The following PUS7L variants were observed in gnomAD, a reference collection of about 807,000 sequenced individuals.
The protein encoded by PUS7L is pseudouridine synthase 7 like.
Under a neutral mutation model 51.1 loss-of-function variants are expected in PUS7L, and 49 were observed. That is an observed-to-expected ratio of 0.96 (90% CI 0.76 to 1.22). The LOEUF (loss-of-function observed/expected upper bound fraction) is 1.22. Among genes scored for constraint, PUS7L ranks in the 50% most tolerant of loss-of-function variants. PUS7L has a pLI of 0.00. For synonymous variants in PUS7L, 277 were observed against 276.2 expected (o/e 1.00, Z -0.03); for missense variants, 828 against 820.6 (o/e 1.01, Z -0.11).
At chr12:43,744,236 G>A (rs1364324444) in intron 4 of PUS7L, among the ~76,000 whole-genome samples, 3 of 152,132 alleles carry the variant, frequency 2.0e-5, no homozygotes, top group Non-Finnish European at 4.4e-5. Context: ...CATATGATAT[G>A]GTTTGGCTGT....
chr12:43,742,391 G>T (rs1325239027), intron 5 of PUS7L, 66 bp downstream of exon 5: 2 of 1,087,616 alleles, frequency 1.8e-6, no homozygotes, highest in Admixed American at 2.1e-5. Flanking sequence ...AGAAAGCAAG[G>T]AGCTGGGTTA....
At chr12:43,748,325 T>G in intron 3 of PUS7L, 125 bp downstream of exon 3, 7 of 560,586 alleles carry the variant, frequency 1.2e-5, no homozygotes, top group Non-Finnish European at 1.8e-5. Flanking sequence ...ACATGATTTA[T>G]GAGACACTTT....
At chr12:43,735,316 CAAAAAAAT>C (rs1282467375) in intron 7 of PUS7L, among the ~76,000 whole-genome samples, 1 of 137,080 alleles carries the variant, frequency 7.3e-6, no homozygotes, top group Admixed American at 7.4e-5. Flanking sequence ...GACTCTGTCT[CAAAAAAAT>C]AAAAAAATAA....
intron 8 of PUS7L, among the ~76,000 whole-genome samples, chr12:43,731,214 C>T (rs1274637801): frequency 6.6e-6 from 1 of 152,094 alleles, no homozygotes; most frequent in East Asian, 1.9e-4. Context: ...TTGCTGGTGT[C>T]TTCTAGACAG....
intron 3 of PUS7L, among the ~76,000 whole-genome samples, chr12:43,746,469 T>TATCACTCTTCCA (rs1263602130): frequency 2.6e-5 from 4 of 152,232 alleles, no homozygotes; most frequent in Non-Finnish European, 4.4e-5. Context: ...TTACTAATGT[T>TATCACTCTTCCA]ATCACTCTTC....
intron 6 of PUS7L, 114 bp downstream of exon 6, chr12:43,738,196 A>C: frequency 1.4e-6 from 1 of 694,498 alleles, no homozygotes; most frequent in East Asian, 2.7e-5. Context: ...GTAATATACT[A>C]TAATTTATTT....
At chr12:43,730,991 G>T (rs1159370041) in intron 8 of PUS7L, among the ~76,000 whole-genome samples, 1 of 152,156 alleles carries the variant, frequency 6.6e-6, no homozygotes, top group Non-Finnish European at 1.5e-5. Context: ...TTAATTAGCT[G>T]ATAAAGACTT....
At position 43,731,743 on chromosome 12, in the gene PUS7L, C is replaced by T. The variant is rs758222433; in HGVS notation, c.1741G>A (p.Glu581Lys). ...TACATATTAGCTGATCCCTCCTCTT[C>T]AGTTACCAGGTGAATCTAGTTTTAA... is the stretch of plus-strand genomic sequence containing the variant. ...FPNSKIHLVTEEEGSANMYAI... is the reference protein window; with the variant it reads ...FPNSKIHLVTKEEGSANMYAI... The change falls in exon 8 of 9, where the codon GAA becomes AAA. Residue 581 changes from glutamate (E) to lysine (K), a missense_variant. By Grantham distance (56) the Glu-to-Lys change is moderately conservative (BLOSUM62 1). Transcript: ENST00000344862. 7.6e-6 allele frequency: 12 copies of T among 1,579,126 alleles called. No individual in the cohort carries two copies. Among genetic ancestry groups the T allele is most frequent in the Non-Finnish European group, 9.5e-6 (11 of 1,154,246 alleles).
intron 2 of PUS7L, among the ~76,000 whole-genome samples, chr12:43,749,537 G>A (rs2137739258): frequency 1.3e-5 from 2 of 152,202 alleles, no homozygotes; most frequent in South Asian, 4.1e-4. Context: ...TAAAAAGTTA[G>A]CAAACACCTA....
At chr12:43,730,751 A>C in intron 8 of PUS7L, 49 bp from the exon 9 acceptor site, 3 of 1,227,518 alleles carry the variant, frequency 2.4e-6, no homozygotes, top group Non-Finnish European at 3.5e-6. Flanking sequence ...TCAAAAAGAT[A>C]CATGATCATA....
chr12:43,731,735 C>T lies in PUS7L; in HGVS notation c.1749G>A (p.Glu583=). 1 of 1,580,794 alleles carries T rather than the reference C, an allele frequency of 6.3e-7. No homozygotes were observed. Among genetic ancestry groups the T allele is most frequent in the Non-Finnish European group, 8.7e-7 (1 of 1,154,418 alleles). Residue 583 remains glutamate (E), a synonymous_variant, in exon 8 of 9, where the codon GAG becomes GAA. Coordinates refer to ENST00000344862, the MANE Select transcript of PUS7L (RefSeq NM_031292.5). ...GTATTGCATACATATTAGCTGATCC[C>T]TCCTCTTCAGTTACCAGGTGAATCT... ...NSKIHLVTEE[E]GSANMYAIHQ...
In PUS7L at chr12:43,754,490, CT is replaced by C. The variant is rs771765231; in HGVS notation, c.755del (p.Lys252SerfsTer14). The C allele has an allele frequency of 1.2e-6, 2 of 1,613,866 alleles. No individual in the cohort carries two copies. The highest frequency in any genetic ancestry group is 2.2e-5 in the South Asian group (2 of 91,042). The stretch of plus-strand genomic sequence containing the variant: ...ATTTGGTTTCCACAAGGTTTCCAAA[CT>C]TTTTGTTGACAAAATGGTGGACAGC... ...RKAVHHFVNK[K>X]FGNLVETKSF... On this transcript the variant is annotated frameshift_variant, in exon 2 of 9. Coordinates refer to ENST00000344862, the MANE Select transcript of PUS7L (RefSeq NM_031292.5). LOFTEE classifies it high-confidence loss of function.
chr12:43,755,318 A>G, intron 1 of PUS7L, 57 bp from the exon 2 acceptor site: 2 of 1,030,444 alleles, frequency 1.9e-6, no homozygotes, highest in Non-Finnish European at 2.8e-6. Flanking sequence ...ATGGATGACC[A>G]AATAGGAATA....
At chr12:43,754,265 TC>T in intron 2 of PUS7L, 70 bp downstream of exon 2, 2 of 1,064,868 alleles carry the variant, frequency 1.9e-6, no homozygotes, top group Non-Finnish European at 2.8e-6. Context: ...CCAAGTCTGT[TC>T]AATTCATTTT....
rs1944498514 is a variant in PUS7L at position 43,729,313 on chromosome 12, G to A, written c.*1063C>T. 2.5e-6 allele frequency: 1 copy of A among 396,024 alleles called. No individual in the cohort carries two copies. The highest frequency in any genetic ancestry group is 4.4e-5 in the Admixed American group (1 of 22,662). 24.5% of individuals were successfully genotyped at this position (396,024 alleles called of 1,614,324 possible). A position where few individuals can be genotyped will look rare whatever the true frequency, so the allele number is the denominator to read the frequency against. On this transcript the variant is annotated 3_prime_UTR_variant, in exon 9 of 9. Coordinates refer to ENST00000344862, the MANE Select transcript of PUS7L (RefSeq NM_031292.5). ...TCCCAAAATGGTTAAACTGGCTTAAGTATATATATCACATTACTGATATAT... is the reference window on the plus strand; with the variant it reads ...TCCCAAAATGGTTAAACTGGCTTAAATATATATATCACATTACTGATATAT...
At position 43,733,416 on chromosome 12, in the gene PUS7L, C is replaced by T. The variant is rs187654933; in HGVS notation, c.1726-1658G>A. 1.0e-3 allele frequency among the ~76,000 whole-genome samples: 158 copies of T among 152,134 alleles called. 1 individual carries two copies. Among genetic ancestry groups the T allele is most frequent in the African/African-American group, 3.5e-3 (145 of 41,496 alleles). ...AGTGCTAACTAATAAAATAAGTGAT[C>T]GATCTTAAAATATATATAAACATTG... On this transcript the variant is annotated intron_variant, in intron 7 of 8. Transcript: ENST00000344862.
chr12:43,736,326 T>C (rs1337133824), intron 7 of PUS7L, 55 bp downstream of exon 7: 4 of 1,471,854 alleles, frequency 2.7e-6, no homozygotes, highest in African/African-American at 2.8e-5. Flanking sequence ...TTTTGAAAAA[T>C]TCATGTTCTG....
intron 2 of PUS7L, among the ~76,000 whole-genome samples, chr12:43,752,206 C>T (rs1592181354): frequency 1.3e-5 from 2 of 152,276 alleles, no homozygotes; most frequent in East Asian, 3.9e-4. Flanking sequence ...CTGGAGGATC[C>T]ATTCCCAAAG....
At chr12:43,747,366 T>G (rs1312038055) in intron 3 of PUS7L, among the ~76,000 whole-genome samples, 1 of 152,132 alleles carries the variant, frequency 6.6e-6, no homozygotes, top group East Asian at 1.9e-4. Flanking sequence ...TAAAGCAAAA[T>G]ATAAACTGTA....
Sources: allele counts gnomAD v4.1 joint callset (sites outside exome capture counted in the v4.1 genomes callset), GRCh38; gene constraint gnomAD v4.1.1; transcripts MANE v1.5; gene names NCBI Gene and HGNC (gene_info 2026-07-23, HGNC 2026-07-21).